Variants in ACKR3 observed in about 807,000 individuals in gnomAD.
ACKR3 encodes C-X-C chemokine receptor type 7.
Under a neutral mutation model 22.4 loss-of-function variants are expected in ACKR3, and 6 were observed. That is an observed-to-expected ratio of 0.27 (90% CI 0.15 to 0.53). ACKR3 has a LOEUF of 0.53. Ranked by LOEUF, ACKR3 falls within the 20% of genes least tolerant of loss-of-function variation. ACKR3 has a pLI of 0.96. For missense variants in ACKR3, 396 were observed against 475.2 expected (o/e 0.83, Z 1.55); for synonymous variants, 209 against 205.2 (o/e 1.02, Z -0.16).
the ACKR3 span, among the ~76,000 whole-genome samples, chr2:236,545,688 A>G: frequency 2.0e-5 from 3 of 152,240 alleles, no homozygotes; most frequent in Non-Finnish European, 4.4e-5. The surrounding 1 kb of genome is among the most constrained non-coding windows in gnomAD (Gnocchi z 5.3). Flanking sequence ...CTACGATTTC[A>G]TGGTATATGA....
the ACKR3 span, among the ~76,000 whole-genome samples, chr2:236,561,000 C>T: frequency 6.6e-6 from 1 of 152,116 alleles, no homozygotes; most frequent in Admixed American, 6.5e-5. Context: ...TTCTGATATA[C>T]GTGACAACAT....
intron 1 of ACKR3, among the ~76,000 whole-genome samples, chr2:236,572,359 C>T (rs1037081814): frequency 6.6e-6 from 1 of 152,148 alleles, no homozygotes; most frequent in Non-Finnish European, 1.5e-5. Flanking sequence ...GGATGGGGGC[C>T]GAGACTATCT....
the ACKR3 span, among the ~76,000 whole-genome samples, chr2:236,544,577 C>A: frequency 2.6e-5 from 4 of 152,108 alleles, no homozygotes; most frequent in Non-Finnish European, 5.9e-5. The surrounding 1 kb of genome is among the most constrained non-coding windows in gnomAD (Gnocchi z 5.0). Context: ...GAGCTCAGGG[C>A]AGGCTGGAGA....
the ACKR3 span, among the ~76,000 whole-genome samples, chr2:236,560,912 C>G: frequency 1.3e-5 from 2 of 152,164 alleles, no homozygotes; most frequent in Non-Finnish European, 2.9e-5. Context: ...CCTAAATGTC[C>G]TTTGTCAGGT....
At chr2:236,545,078 A>G in the ACKR3 span, among the ~76,000 whole-genome samples, 1 of 152,160 alleles carries the variant, frequency 6.6e-6, no homozygotes, top group Non-Finnish European at 1.5e-5. This position sits in a 1 kb window ranked among gnomAD's most constrained non-coding sequence, Gnocchi z 5.3. Flanking sequence ...GCTGCCGGGC[A>G]TGCTTGTTCA....
At chr2:236,576,426 C>A (rs1691413442) in intron 1 of ACKR3, among the ~76,000 whole-genome samples, 1 of 152,144 alleles carries the variant, frequency 6.6e-6, no homozygotes, top group African/African-American at 2.4e-5. Context: ...GCTGGGGGTT[C>A]ATTAGAGGCC....
Position 236,577,693 on chromosome 2 carries a change from A to T in ACKR3, c.-26-2747A>T. 6.6e-6 allele frequency among the ~76,000 whole-genome samples: 1 copy of T among 152,090 alleles called. No homozygotes were observed. Among genetic ancestry groups the T allele is most frequent in the East Asian group, 1.9e-4 (1 of 5,174 alleles). ...GGGCAAGTAAGACCTGAGCCAGAGG[A>T]ATGTCACCATGGTGGGGGAGAGAGG... On this transcript the variant is annotated intron_variant, in intron 1 of 1. Coordinates refer to ENST00000272928, the MANE Select transcript of ACKR3 (RefSeq NM_020311.3). This position sits in a 1 kb window ranked among gnomAD's most constrained non-coding sequence, Gnocchi z 5.6.
At chr2:236,554,894 G>C in the ACKR3 span, among the ~76,000 whole-genome samples, 6 of 152,364 alleles carry the variant, frequency 3.9e-5, no homozygotes, top group South Asian at 1.2e-3. Flanking sequence ...CAGGCAAAAA[G>C]GGTGCATTTG....
rs927058087 is a variant in ACKR3 at position 236,574,237 on chromosome 2, C to T, written c.-27+4313C>T. Among the ~76,000 whole-genome samples the T allele has an allele frequency of 6.6e-6, 1 of 152,122 alleles. No individual in the cohort carries two copies. The highest frequency in any genetic ancestry group is 1.5e-5 in the Non-Finnish European group (1 of 68,028). ...TTCAGAAAAGTCTCTCCTGGACGCC[C>T]GTCTCCGCTGCTGGCCACAGTCGCT... On this transcript the variant is annotated intron_variant, in intron 1 of 1. Transcript: ENST00000272928. This position sits in a 1 kb window ranked among gnomAD's most constrained non-coding sequence, Gnocchi z 5.6.
upstream of ACKR3, among the ~76,000 whole-genome samples, chr2:236,564,759 G>C (rs1230714866): frequency 6.6e-6 from 1 of 152,086 alleles, no homozygotes; most frequent in Non-Finnish European, 1.5e-5. Context: ...TATTTTTTCT[G>C]TGGTACTAGG....
the ACKR3 span, among the ~76,000 whole-genome samples, chr2:236,548,253 T>C: frequency 6.6e-6 from 1 of 152,194 alleles, no homozygotes; most frequent in African/African-American, 2.4e-5. The surrounding 1 kb of genome is among the most constrained non-coding windows in gnomAD (Gnocchi z 4.3). Flanking sequence ...GAACTCATGA[T>C]CAGTGGTATT....
chr2:236,546,833 C>CG, the ACKR3 span, among the ~76,000 whole-genome samples: 6 of 152,228 alleles, frequency 3.9e-5, no homozygotes, highest in African/African-American at 1.4e-4. The surrounding 1 kb of genome is among the most constrained non-coding windows in gnomAD (Gnocchi z 4.9). Flanking sequence ...ACTTCCTTTG[C>CG]TCTGAATCCA....
chr2:236,580,564 G>A lies in ACKR3; in HGVS notation c.99G>A (p.Met33Ile), dbSNP rs1317772639. ...ACTGCATCGTGGTGGACACGGTGAT[G>A]TGTCCCAACATGCCCAACAAAAGCG... ...SSDCIVVDTVMCPNMPNKSVL... is the reference protein window; with the variant it reads ...SSDCIVVDTVICPNMPNKSVL... Residue 33 changes from methionine to isoleucine, a missense_variant, in exon 2 of 2, where the codon ATG (methionine) becomes ATA (isoleucine). Transcript: ENST00000272928. The A allele has an allele frequency of 6.2e-7, 1 of 1,614,218 alleles. No homozygotes were observed. Among genetic ancestry groups the A allele is most frequent in the Admixed American group, 1.7e-5 (1 of 60,026 alleles).
In ACKR3 at chr2:236,581,311, C is replaced by T. The variant is rs1691527773; in HGVS notation, c.846C>T (p.Tyr282=). ...VLLDIFSILH[Y]IPFTCRLEHA... ...TGGACATCTTCTCCATCCTGCACTA[C>T]ATCCCTTTCACCTGCCGGCTGGAGC... is the stretch of plus-strand genomic sequence containing the variant. The change falls in exon 2 of 2, where the codon TAC becomes TAT. Residue 282 remains tyrosine, a synonymous_variant. Transcript: ENST00000272928. The surrounding 1 kb of genome is among the most constrained non-coding windows in gnomAD (Gnocchi z 4.4). 2 of 1,613,902 alleles carry T rather than the reference C, an allele frequency of 1.2e-6. No individual in the cohort carries two copies. The highest frequency in any genetic ancestry group is 1.7e-6 in the Non-Finnish European group (2 of 1,179,944).
Position 236,581,590 on chromosome 2 carries a change from T to C in ACKR3, c.*36T>C. 1 of 1,588,500 alleles carries C rather than the reference T, an allele frequency of 6.3e-7. No individual in the cohort carries two copies. Among genetic ancestry groups the C allele is most frequent in the Non-Finnish European group, 8.6e-7 (1 of 1,165,468 alleles). On this transcript the variant is annotated 3_prime_UTR_variant, in exon 2 of 2. Coordinates refer to ENST00000272928, the MANE Select transcript of ACKR3 (RefSeq NM_020311.3). This position sits in a 1 kb window ranked among gnomAD's most constrained non-coding sequence, Gnocchi z 4.4. ...AGAGGCTCTGGGACGGGTTTACTTG[T>C]TTTTGAACAGGGTGATGGGCCCTAT...
chr2:236,575,157 A>G (rs1691381761), intron 1 of ACKR3, among the ~76,000 whole-genome samples: 1 of 152,088 alleles, frequency 6.6e-6, no homozygotes, highest in Non-Finnish European at 1.5e-5. Context: ...TCTGTGGACC[A>G]TTCCTCCCTC....
chr2:236,540,356 GTT>G, the ACKR3 span, among the ~76,000 whole-genome samples: 10,600 of 145,338 alleles, frequency 0.073, 414 homozygotes, highest in South Asian at 0.16. Context: ...TCTTTTGTCT[GTT>G]TTTTTTTTTG....
At chr2:236,560,718 C>T in the ACKR3 span, among the ~76,000 whole-genome samples, 19 of 152,218 alleles carry the variant, frequency 1.2e-4, no homozygotes, top group African/African-American at 3.6e-4. Flanking sequence ...TTTCGCTGCC[C>T]GTGCTTCTGA....
chr2:236,537,391 C>A, the ACKR3 span, among the ~76,000 whole-genome samples: 1 of 152,202 alleles, frequency 6.6e-6, no homozygotes, highest in Non-Finnish European at 1.5e-5. Context: ...GTTACCAGGG[C>A]TCCATGAATA....
Sources: gnomAD v4.1 joint callset for allele counts (sites outside exome capture counted in the v4.1 genomes callset) on GRCh38, gnomAD v4.1.1 for gene constraint, Gnocchi (gnomAD v3.1) non-coding constraint, MANE v1.5 for transcripts, NCBI Gene and HGNC (gene_info 2026-07-23, HGNC 2026-07-21) for gene names.